The following CADM2 variants were observed in gnomAD, a reference collection of about 807,000 sequenced individuals.
CADM2 encodes cell adhesion molecule 2, also known as immunoglobulin superfamily member 4D.
In CADM2, 12 loss-of-function variants were observed where a neutral mutation model predicts 49.8. The ratio of observed to expected loss-of-function variants is 0.24; its 90% CI spans 0.15 to 0.39. CADM2 has a LOEUF of 0.39. CADM2 is among the 10% of genes least tolerant of loss of function. The pLI is 1.00. For synonymous variants in CADM2, 214 were observed against 175.4 expected (o/e 1.22, Z -1.74); for missense variants, 378 against 492.3 (o/e 0.77, Z 2.20).
intron 1 of CADM2, among the ~76,000 whole-genome samples, chr3:85,493,777 G>T (rs969197210): frequency 2.0e-5 from 3 of 152,182 alleles, no homozygotes; most frequent in Non-Finnish European, 4.4e-5. Flanking sequence ...AAACATTTAG[G>T]TCTCTTGTCA....
At chr3:85,105,945 G>C (rs1444870490) in intron 1 of CADM2, among the ~76,000 whole-genome samples, 3 of 151,910 alleles carry the variant, frequency 2.0e-5, no homozygotes, top group African/African-American at 7.3e-5. Context: ...GGACTGTGGT[G>C]GGGTGGGGGG....
chr3:85,346,191 C>G (rs1368737), intron 1 of CADM2, among the ~76,000 whole-genome samples: 49,328 of 152,004 alleles, frequency 0.32, 8,430 homozygotes, highest in South Asian at 0.38. Flanking sequence ...TAAATCAACA[C>G]TTAAATAAGG....
intron 1 of CADM2, among the ~76,000 whole-genome samples, chr3:85,700,149 G>T (rs891541808): frequency 1.3e-5 from 2 of 152,176 alleles, no homozygotes; most frequent in Non-Finnish European, 2.9e-5. Context: ...GGAATACTAT[G>T]CAGCCATAAA....
intron 6 of CADM2, among the ~76,000 whole-genome samples, chr3:85,916,110 G>A (rs770156373): frequency 1.2e-4 from 19 of 152,022 alleles, no homozygotes; most frequent in Non-Finnish European, 2.8e-4. Flanking sequence ...TCAGAGCAAT[G>A]TTTTTAAAAA....
chr3:85,661,308 C>G (rs1241951421), intron 1 of CADM2, among the ~76,000 whole-genome samples: 1 of 152,010 alleles, frequency 6.6e-6, no homozygotes, highest in Non-Finnish European at 1.5e-5. Flanking sequence ...GGACTAGCTT[C>G]CTTTGTAGAT....
intron 8 of CADM2, among the ~76,000 whole-genome samples, chr3:85,967,148 T>A (rs1241311148): frequency 1.3e-5 from 2 of 151,674 alleles, no homozygotes; most frequent in Non-Finnish European, 3.0e-5. Flanking sequence ...GACTGCTGGA[T>A]CAAGCCAAAC....
intron 3 of CADM2, among the ~76,000 whole-genome samples, chr3:85,847,978 T>A (rs2074949902): frequency 6.6e-6 from 1 of 152,204 alleles, no homozygotes; most frequent in African/African-American, 2.4e-5. Context: ...ATAAATCATA[T>A]AACTGCCACC....
intron 1 of CADM2, among the ~76,000 whole-genome samples, chr3:85,092,676 C>G (rs889960010): frequency 6.6e-6 from 1 of 151,892 alleles, no homozygotes. Flanking sequence ...TAAACAAGAC[C>G]TCTCTCACCT....
chr3:85,179,576 A>C (rs2107701047), intron 1 of CADM2, among the ~76,000 whole-genome samples: 1 of 152,130 alleles, frequency 6.6e-6, no homozygotes, highest in African/African-American at 2.4e-5. Context: ...TTTTCTGAAT[A>C]TGCAACTTCT....
chr3:85,987,978 A>G (rs1428686315), intron 8 of CADM2, among the ~76,000 whole-genome samples: 1 of 152,090 alleles, frequency 6.6e-6, no homozygotes, highest in Non-Finnish European at 1.5e-5. Flanking sequence ...TTGACACTCC[A>G]CATGAAACAC....
intron 1 of CADM2, among the ~76,000 whole-genome samples, chr3:85,640,189 T>G (rs2107548848): frequency 6.6e-6 from 1 of 152,262 alleles, no homozygotes; most frequent in Non-Finnish European, 1.5e-5. Flanking sequence ...GGTATTGCAG[T>G]CATATGCTTA....
At chr3:85,681,679 A>G (rs1341001953) in intron 1 of CADM2, among the ~76,000 whole-genome samples, 1 of 152,106 alleles carries the variant, frequency 6.6e-6, no homozygotes, top group East Asian at 1.9e-4. Flanking sequence ...TGATTTCTCA[A>G]ATTTTCATGA....
At chr3:85,545,629 A>G (rs2061651463) in intron 1 of CADM2, among the ~76,000 whole-genome samples, 2 of 152,134 alleles carry the variant, frequency 1.3e-5, no homozygotes, top group African/African-American at 4.8e-5. Flanking sequence ...GATGCTCTGA[A>G]ACTATGAGGT....
intron 8 of CADM2, among the ~76,000 whole-genome samples, chr3:86,038,166 T>C (rs1012614084): frequency 1.3e-5 from 2 of 152,178 alleles, no homozygotes; most frequent in Admixed American, 1.3e-4. Context: ...AAAAAAAAAG[T>C]TAGTTTTAGA....
At chr3:85,599,578 G>A (rs928812386) in intron 1 of CADM2, among the ~76,000 whole-genome samples, 2 of 151,744 alleles carry the variant, frequency 1.3e-5, no homozygotes, top group African/African-American at 4.8e-5. Context: ...CAATAAAAGT[G>A]TACTGCCTTG....
intron 1 of CADM2, among the ~76,000 whole-genome samples, chr3:85,162,458 T>C (rs1019133193): frequency 1.4e-4 from 22 of 152,114 alleles, no homozygotes; most frequent in Non-Finnish European, 1.5e-5. Flanking sequence ...TTATTCTCCC[T>C]GATTTACCTT....
chr3:85,978,532 C>A (rs979729466), intron 8 of CADM2, among the ~76,000 whole-genome samples: 1 of 151,454 alleles, frequency 6.6e-6, no homozygotes, highest in Admixed American at 6.6e-5. Context: ...TATTAGAAGG[C>A]GTTACCAGTT....
intron 3 of CADM2, among the ~76,000 whole-genome samples, chr3:85,874,630 A>G (rs1711561848): frequency 6.6e-6 from 1 of 152,134 alleles, no homozygotes; most frequent in African/African-American, 2.4e-5. Flanking sequence ...TTCAAATACC[A>G]TATCATTTTC....
At chr3:85,871,504 CA>C (rs1436109074) in intron 3 of CADM2, among the ~76,000 whole-genome samples, 5 of 152,058 alleles carry the variant, frequency 3.3e-5, no homozygotes. Flanking sequence ...CATCTGTGCT[CA>C]GATATATATT....
Sources: allele counts gnomAD v4.1 joint callset (sites outside exome capture counted in the v4.1 genomes callset), GRCh38; gene constraint gnomAD v4.1.1; transcripts MANE v1.5; gene names NCBI Gene and HGNC (gene_info 2026-07-23, HGNC 2026-07-21).